Variants in PCLO observed in about 807,000 individuals in gnomAD.
The protein encoded by PCLO is piccolo presynaptic cytomatrix protein, also known as protein piccolo.
In PCLO, 82 loss-of-function variants were observed where a neutral mutation model predicts 427.5. The observed-to-expected ratio is 0.19, with a 90% CI of 0.16 to 0.23. The LOEUF (loss-of-function observed/expected upper bound fraction) is 0.23. PCLO is among the 10% of genes least tolerant of loss of function. The pLI, the probability that PCLO is intolerant of heterozygous loss-of-function variation, is 1.00. For synonymous variants in PCLO, 2,357 were observed against 2,155.4 expected (o/e 1.09, Z -2.59); for missense variants, 6,239 against 6,115.9 (o/e 1.02, Z -0.67).
chr7:83,085,054 C>T (rs141336048), intron 3 of PCLO, among the ~76,000 whole-genome samples: 82 of 152,224 alleles, frequency 5.4e-4, no homozygotes, highest in African/African-American at 1.8e-3. Flanking sequence ...ATCAACTTGT[C>T]TTCCCTGTGT....
chr7:83,030,071 C>T (rs1263985986), intron 3 of PCLO, among the ~76,000 whole-genome samples: 1 of 148,512 alleles, frequency 6.7e-6, no homozygotes, highest in African/African-American at 2.5e-5. Flanking sequence ...TGTAACTAAT[C>T]CGCACAATGT....
At chr7:83,082,890 A>T (rs1378881490) in intron 3 of PCLO, among the ~76,000 whole-genome samples, 1 of 151,856 alleles carries the variant, frequency 6.6e-6, no homozygotes, top group Non-Finnish European at 1.5e-5. Flanking sequence ...AAAGTATATA[A>T]AACTACAATT....
chr7:82,760,555 G>T, intron 24 of PCLO, 84 bp downstream of exon 24: 3 of 842,494 alleles, frequency 3.6e-6, no homozygotes, highest in Non-Finnish European at 5.5e-6. Flanking sequence ...TGTATGATCA[G>T]TATATAAATA....
intron 3 of PCLO, among the ~76,000 whole-genome samples, chr7:83,087,778 C>T (rs1257333287): frequency 6.6e-6 from 1 of 151,888 alleles, no homozygotes; most frequent in East Asian, 1.9e-4. Context: ...AAGATTGATT[C>T]TATTAAATTA....
chr7:82,854,274 G>C (rs1792744038), intron 10 of PCLO, among the ~76,000 whole-genome samples: 1 of 151,780 alleles, frequency 6.6e-6, no homozygotes, highest in South Asian at 2.1e-4. Flanking sequence ...ACTCTGCATG[G>C]GACATCCAAT....
chr7:82,957,778 C>A (rs1795561499), intron 4 of PCLO, among the ~76,000 whole-genome samples: 2 of 152,120 alleles, frequency 1.3e-5, no homozygotes, highest in South Asian at 4.1e-4. Context: ...ATTTTGAAAT[C>A]TTGTTTTATC....
At chr7:82,978,170 C>A (rs148186354) in intron 3 of PCLO, among the ~76,000 whole-genome samples, 3 of 148,380 alleles carry the variant, frequency 2.0e-5, no homozygotes, top group African/African-American at 5.0e-5. Context: ...AGACCCCCAC[C>A]CCCCCGGCAA....
chr7:82,911,340 T>C (rs925467729), intron 7 of PCLO, among the ~76,000 whole-genome samples: 12 of 152,224 alleles, frequency 7.9e-5, no homozygotes, highest in African/African-American at 2.9e-4. Context: ...TAATTGTTTA[T>C]AACTGTCTCA....
At chr7:83,136,035 T>C (rs921095033) in intron 2 of PCLO, among the ~76,000 whole-genome samples, 4 of 151,884 alleles carry the variant, frequency 2.6e-5, no homozygotes, top group Admixed American at 2.6e-4. Flanking sequence ...GAGGCTGAGG[T>C]TGCAGTGAGC....
At chr7:82,985,654 T>C (rs1796239905) in intron 3 of PCLO, among the ~76,000 whole-genome samples, 1 of 151,864 alleles carries the variant, frequency 6.6e-6, no homozygotes. Flanking sequence ...TGGCATTAAA[T>C]TGGCATGAAT....
At chr7:83,056,219 T>G (rs369927650) in intron 3 of PCLO, among the ~76,000 whole-genome samples, 3 of 152,226 alleles carry the variant, frequency 2.0e-5, no homozygotes, top group African/African-American at 7.2e-5. Context: ...GCTTAGATTT[T>G]TACAACTCAT....
chr7:82,946,187 GTC>G (rs1795196937), intron 6 of PCLO, among the ~76,000 whole-genome samples: 1 of 152,196 alleles, frequency 6.6e-6, no homozygotes, highest in African/African-American at 2.4e-5. Context: ...AGATTTCATT[GTC>G]CAAGTACAGC....
chr7:83,081,014 T>G (rs2116397063), intron 3 of PCLO, among the ~76,000 whole-genome samples: 1 of 152,108 alleles, frequency 6.6e-6, no homozygotes, highest in East Asian at 1.9e-4. Flanking sequence ...TGTATTCACC[T>G]ATTTTTGAAC....
intron 22 of PCLO, among the ~76,000 whole-genome samples, chr7:82,791,334 A>G (rs1052555884): frequency 3.3e-5 from 5 of 152,194 alleles, no homozygotes; most frequent in African/African-American, 9.6e-5. Flanking sequence ...TTAGCATTCC[A>G]TAACACCAAC....
At chr7:82,794,208 C>A (rs1791166358) in intron 22 of PCLO, among the ~76,000 whole-genome samples, 1 of 151,854 alleles carries the variant, frequency 6.6e-6, no homozygotes, top group South Asian at 2.1e-4. Flanking sequence ...TCTCACGCTG[C>A]AAGTTTATTT....
chr7:82,826,092 A>G (rs369952298), intron 18 of PCLO, among the ~76,000 whole-genome samples: 4 of 151,624 alleles, frequency 2.6e-5, no homozygotes, highest in Non-Finnish European at 1.5e-5. Flanking sequence ...CAGGCATACA[A>G]TTAGGTTATT....
At chr7:82,802,962 T>C (rs191139827) in intron 21 of PCLO, among the ~76,000 whole-genome samples, 182 of 152,246 alleles carry the variant, frequency 1.2e-3, no homozygotes, top group African/African-American at 4.1e-3. Flanking sequence ...TACAAATTTT[T>C]ATTAAGTGTG....
intron 3 of PCLO, among the ~76,000 whole-genome samples, chr7:83,087,114 C>T (rs1023703984): frequency 2.0e-5 from 3 of 151,022 alleles, no homozygotes; most frequent in African/African-American, 7.3e-5. Flanking sequence ...GGAGATATAC[C>T]TCATGTAAAT....
intron 3 of PCLO, among the ~76,000 whole-genome samples, chr7:83,065,260 C>A (rs1191557417): frequency 6.6e-6 from 1 of 151,890 alleles, no homozygotes; most frequent in African/African-American, 2.4e-5. Flanking sequence ...TGCTTAATTT[C>A]TATAAGGCTT....
Sources: allele counts gnomAD v4.1 joint callset (sites outside exome capture counted in the v4.1 genomes callset), GRCh38; gene constraint gnomAD v4.1.1; transcripts MANE v1.5; gene names NCBI Gene and HGNC (gene_info 2026-07-23, HGNC 2026-07-21).